The following DGLUCY variants were observed in gnomAD, a reference collection of about 807,000 sequenced individuals.
DGLUCY encodes D-glutamate cyclase, mitochondrial.
A neutral mutation model predicts 58.5 loss-of-function variants in DGLUCY; 58 were observed. The observed-to-expected ratio is 0.99, with a 90% CI of 0.80 to 1.23. The LOEUF is 1.23. Among genes scored for constraint, DGLUCY ranks in the 50% most tolerant of loss-of-function variants. The pLI is 0.00. For missense variants in DGLUCY, 779 were observed against 784.7 expected, an observed-to-expected ratio of 0.99 and a Z score of 0.09; for synonymous variants, 325 against 314.1, an observed-to-expected ratio of 1.03 and a Z score of -0.37.
At chr14:91,147,627 C>T (rs980621050) in intron 1 of DGLUCY, among the ~76,000 whole-genome samples, 1 of 152,158 alleles carries the variant, frequency 6.6e-6, no homozygotes, top group African/African-American at 2.4e-5. Context: ...GAAACGTAAC[C>T]CATATATACA....
Position 91,215,393 on chromosome 14 carries a change from T to G in DGLUCY, c.1565-12T>G. 6.3e-7 allele frequency: 1 copy of G among 1,588,112 alleles called. No homozygotes were observed. Among genetic ancestry groups the G allele is most frequent in the Non-Finnish European group, 8.6e-7 (1 of 1,163,380 alleles). Reference sequence around the variant, plus strand: ...TCCAACTCCATGATGGAATCTTGTTTTGCTGTTCTAGGTGTTTCTAACTGG... The same window carrying G: ...TCCAACTCCATGATGGAATCTTGTTGTGCTGTTCTAGGTGTTTCTAACTGG... On this transcript the variant is annotated splice_polypyrimidine_tract_variant and intron_variant, in intron 12 of 13. Coordinates refer to ENST00000256324, the MANE Select transcript of DGLUCY (RefSeq NM_001102368.3).
intron 10 of DGLUCY, among the ~76,000 whole-genome samples, chr14:91,198,358 C>G (rs1299732360): frequency 2.1e-5 from 3 of 141,568 alleles, no homozygotes; most frequent in African/African-American, 7.9e-5. Context: ...TTTTTTTTCC[C>G]CCTTGAGACG....
chr14:91,187,039 A>G lies in DGLUCY; in HGVS notation c.935-1871A>G, dbSNP rs371050581. 3.3e-5 allele frequency among the ~76,000 whole-genome samples: 5 copies of G among 151,476 alleles called. No individual in the cohort carries two copies. The South Asian group carries it at 1.0e-3, about 32-fold the overall frequency. ...TTTTGAGACAGAGTCTTGCTCTGTC[A>G]CCCAGGTTGGAGTGCAGTGGTGCGA... is the stretch of plus-strand genomic sequence containing the variant. On this transcript the variant is annotated intron_variant, in intron 8 of 13. Coordinates refer to ENST00000256324, the MANE Select transcript of DGLUCY (RefSeq NM_001102368.3).
In DGLUCY at chr14:91,099,528, CAA is replaced by C. The variant is rs11349730; in HGVS notation, c.-82+38840_-82+38841del. Among the ~76,000 whole-genome samples, 518 of 134,576 alleles carry C rather than the reference CAA, an allele frequency of 3.8e-3. 2 individuals are homozygous for C. Among genetic ancestry groups the C allele is most frequent in the Middle Eastern group, 7.8e-3 (2 of 258 alleles). 88.3% of individuals were successfully genotyped at this position (134,576 alleles called of 152,430 possible). A position where few individuals can be genotyped will look rare whatever the true frequency, so the allele number is the denominator to read the frequency against. ...AGCCTAGGCGACAGAGACCCAATCTCAAAAAAAAAAAAAAAAATGCCCTTCGC... is the reference window on the plus strand; with the variant it reads ...AGCCTAGGCGACAGAGACCCAATCTCAAAAAAAAAAAAAAATGCCCTTCGC... On this transcript the variant is annotated intron_variant, in intron 1 of 4. Transcript: ENST00000521334.
At chr14:91,190,139 T>C (rs942121044) in intron 9 of DGLUCY, among the ~76,000 whole-genome samples, 24 of 151,398 alleles carry the variant, frequency 1.6e-4, no homozygotes, top group Non-Finnish European at 1.5e-4. Flanking sequence ...AGGCGCCCGC[T>C]ACCACGCCCG....
At chr14:91,120,210 C>T (rs941672) in intron 1 of DGLUCY, among the ~76,000 whole-genome samples, 32,358 of 151,918 alleles carry the variant, frequency 0.21, 4,999 homozygotes, top group African/African-American at 0.44. Flanking sequence ...TCTCCCTCCT[C>T]CGGGCAGGTG....
intron 12 of DGLUCY, 76 bp downstream of exon 12, chr14:91,204,901 G>A: frequency 6.3e-7 from 1 of 1,594,386 alleles, no homozygotes; most frequent in Non-Finnish European, 8.5e-7. Flanking sequence ...GACCAGGCCA[G>A]AAGCTCTTCT....
At chr14:91,141,339 C>T (rs1432344069) in intron 1 of DGLUCY, among the ~76,000 whole-genome samples, 1 of 150,256 alleles carries the variant, frequency 6.7e-6, no homozygotes, top group Admixed American at 6.6e-5. Context: ...CACCACTTCA[C>T]TCCAGCCTGG....
chr14:91,103,860 GAAC>G (rs1404677361), upstream of DGLUCY, among the ~76,000 whole-genome samples: 3 of 151,318 alleles, frequency 2.0e-5, no homozygotes, highest in African/African-American at 2.4e-5. Flanking sequence ...GAAAGTTTTA[GAAC>G]AACATTCCCT....
chr14:91,061,257 C>G (rs1390738240), intron 1 of DGLUCY, among the ~76,000 whole-genome samples: 1 of 152,194 alleles, frequency 6.6e-6, no homozygotes, highest in African/African-American at 2.4e-5. Context: ...ACAAGTTAAG[C>G]AGAGTGTTTG....
At chr14:91,184,550 T>TGAAAGAAAGAAA (rs367861135) in intron 8 of DGLUCY, among the ~76,000 whole-genome samples, 129 of 95,628 alleles carry the variant, frequency 1.3e-3, no homozygotes, top group Middle Eastern at 6.3e-3. Flanking sequence ...CAATACCCTG[T>TGAAAGAAAGAAA]GAAAGAAAGA....
At chr14:91,135,466 A>G (rs1043629732) in intron 1 of DGLUCY, among the ~76,000 whole-genome samples, 1 of 152,062 alleles carries the variant, frequency 6.6e-6, no homozygotes, top group Non-Finnish European at 1.5e-5. Context: ...CCTGGCCAAT[A>G]TGGTGAAACC....
chr14:91,136,561 G>A (rs2046348045), intron 1 of DGLUCY, among the ~76,000 whole-genome samples: 1 of 151,838 alleles, frequency 6.6e-6, no homozygotes, highest in African/African-American at 2.4e-5. Flanking sequence ...GTAGGAGCCT[G>A]TAATCCCAGC....
chr14:91,137,270 G>T (rs1454827136), intron 1 of DGLUCY, among the ~76,000 whole-genome samples: 2 of 151,796 alleles, frequency 1.3e-5, no homozygotes, highest in Non-Finnish European at 2.9e-5. Flanking sequence ...ACCATGCCCA[G>T]CCCTGTTCAG....
At chr14:91,060,937 C>T (rs2043654486) in intron 1 of DGLUCY, 1 of 153,126 alleles carries the variant, frequency 6.5e-6, no homozygotes, top group African/African-American at 2.4e-5. Context: ...GCAGTCAAGA[C>T]CTTCCCTTCC....
chr14:91,155,067 G>A (rs1237388336), intron 1 of DGLUCY, among the ~76,000 whole-genome samples: 1 of 152,138 alleles, frequency 6.6e-6, no homozygotes, highest in East Asian at 1.9e-4. Flanking sequence ...TTTAGACTCA[G>A]CCCCTTCTCC....
chr14:91,097,676 CTT>C (rs796737178), intron 1 of DGLUCY, among the ~76,000 whole-genome samples: 13 of 143,006 alleles, frequency 9.1e-5, no homozygotes, highest in East Asian at 2.0e-4. Flanking sequence ...CCTCCCCTCC[CTT>C]TTTTTTTTTT....
intron 1 of DGLUCY, among the ~76,000 whole-genome samples, chr14:91,116,952 A>AAG (rs2045000801): frequency 6.6e-6 from 1 of 151,322 alleles, no homozygotes; most frequent in South Asian, 2.1e-4. Context: ...CAAAAAAAAA[A>AAG]AAAGAACGGC....
intron 4 of DGLUCY, chr14:91,167,865 C>A: frequency 1.7e-6 from 1 of 598,458 alleles, no homozygotes; most frequent in Non-Finnish European, 3.0e-6. Flanking sequence ...TGGCATCTTC[C>A]CTGGCCTAGC....
Sources: gnomAD v4.1 joint callset for allele counts (sites outside exome capture counted in the v4.1 genomes callset) on GRCh38, gnomAD v4.1.1 for gene constraint, MANE v1.5 for transcripts, NCBI Gene and HGNC (gene_info 2026-07-23, HGNC 2026-07-21) for gene names.